The following UBE2G1 variants were observed in gnomAD, a reference collection of about 807,000 sequenced individuals.
UBE2G1 encodes the protein ubiquitin-conjugating enzyme E2 G1.
A neutral mutation model predicts 22.7 loss-of-function variants in UBE2G1; 5 were observed. The ratio of observed to expected loss-of-function variants is 0.22; its 90% confidence interval spans 0.12 to 0.46. UBE2G1 has a LOEUF of 0.46. Among genes scored for constraint, UBE2G1 ranks in the 20% least tolerant of loss-of-function variants. UBE2G1 has a pLI of 0.99. For missense variants in UBE2G1, 88 were observed against 203.9 expected (o/e 0.43, Z 3.46); for synonymous variants, 74 against 67.5 (o/e 1.10, Z -0.47).
intron 1 of UBE2G1, among the ~76,000 whole-genome samples, chr17:4,313,084 T>A (rs547278244): frequency 6.6e-6 from 1 of 152,338 alleles, no homozygotes; most frequent in Admixed American, 6.5e-5. Flanking sequence ...TGTGTTTAAA[T>A]GTTGATACGG....
At position 4,327,706 on chromosome 17, in the gene UBE2G1, A is replaced by T. The variant is rs1598195644; in HGVS notation, c.47-20583T>A. Among the ~76,000 whole-genome samples the T allele has an allele frequency of 6.6e-5, 10 of 152,316 alleles. No homozygotes were observed. In the East Asian group the frequency reaches 1.9e-3, roughly 29 times the overall value. ...TGTGGGACACATCAAATGGAAGCCA[A>T]GCATATTCCTACCTCCTTGTGTGGC... On this transcript the variant is annotated intron_variant, in intron 1 of 5. Transcript: ENST00000396981.
intron 1 of UBE2G1, among the ~76,000 whole-genome samples, chr17:4,355,240 T>G (rs1479038350): frequency 6.6e-6 from 1 of 151,080 alleles, no homozygotes; most frequent in East Asian, 2.0e-4. Context: ...TGACCTCAGG[T>G]GATCCACCTG....
chr17:4,353,373 G>A (rs913156736), intron 1 of UBE2G1, among the ~76,000 whole-genome samples: 1 of 151,748 alleles, frequency 6.6e-6, no homozygotes, highest in Non-Finnish European at 1.5e-5. Context: ...TTGTGGTGAA[G>A]TAGCTATATT....
At chr17:4,289,106 T>TACACACAC (rs71144179) in intron 4 of UBE2G1, 124 bp downstream of exon 4, 7,850 of 515,862 alleles carry the variant, frequency 0.015, 370 homozygotes, top group African/African-American at 0.12. Context: ...TGGGAAGAGA[T>TACACACAC]ACACACACAC....
intron 1 of UBE2G1, among the ~76,000 whole-genome samples, chr17:4,311,617 T>C (rs2143740894): frequency 6.6e-6 from 1 of 152,000 alleles, no homozygotes; most frequent in South Asian, 2.1e-4. Flanking sequence ...GATTAGACAA[T>C]GAGGGAAGGG....
At chr17:4,332,353 GTTA>G (rs1041709105) in intron 1 of UBE2G1, among the ~76,000 whole-genome samples, 2 of 152,074 alleles carry the variant, frequency 1.3e-5, no homozygotes, top group East Asian at 1.9e-4. Context: ...ATAAAATAGG[GTTA>G]TTGTTGGTGA....
At chr17:4,301,149 C>T (rs1969173499) in intron 2 of UBE2G1, among the ~76,000 whole-genome samples, 1 of 152,156 alleles carries the variant, frequency 6.6e-6, no homozygotes. Context: ...ATTTGCTCAA[C>T]ATTGTTCTAT....
intron 1 of UBE2G1, among the ~76,000 whole-genome samples, chr17:4,343,906 G>A (rs1029696460): frequency 6.6e-6 from 1 of 152,032 alleles, no homozygotes; most frequent in Non-Finnish European, 1.5e-5. Context: ...TTTTCAAGAG[G>A]AGCAGAAACA....
intron 1 of UBE2G1, among the ~76,000 whole-genome samples, chr17:4,344,352 AAC>A (rs370723618): frequency 1.8e-4 from 27 of 151,994 alleles, no homozygotes; most frequent in African/African-American, 6.3e-4. Flanking sequence ...CATCCTGACT[AAC>A]ACAGTGAAAC....
At chr17:4,347,777 GT>G (rs925459238) in intron 1 of UBE2G1, among the ~76,000 whole-genome samples, 4 of 151,936 alleles carry the variant, frequency 2.6e-5, no homozygotes, top group African/African-American at 9.7e-5. Flanking sequence ...CGCCTGGCCA[GT>G]TTTTTTCATT....
chr17:4,319,268 G>T (rs1409033784), intron 1 of UBE2G1, among the ~76,000 whole-genome samples: 1 of 152,072 alleles, frequency 6.6e-6, no homozygotes, highest in Non-Finnish European at 1.5e-5. Context: ...ATGAGGCACT[G>T]AACTTTAAAG....
intron 3 of UBE2G1, among the ~76,000 whole-genome samples, chr17:4,295,177 G>A (rs1319728897): frequency 6.6e-6 from 1 of 152,182 alleles, no homozygotes; most frequent in East Asian, 1.9e-4. Context: ...AGAAACTGTC[G>A]AAAGCCTAGG....
rs546886345 is a variant in UBE2G1 at position 4,272,456 on chromosome 17, A to C, written c.*98T>G. 1.1e-5 allele frequency: 2 copies of C among 186,724 alleles called. No homozygotes were observed. Among genetic ancestry groups the C allele is most frequent in the Non-Finnish European group, 2.3e-5 (2 of 88,804 alleles). The allele number at this position is 186,724 out of a possible 1,614,324, so 11.6% of individuals were successfully genotyped here. ...CAGTGTTTGCCAACTTGTACAACAGAAGTCCAGCAATAGGTGGGTAGAGTG... is the reference window on the plus strand; with the variant it reads ...CAGTGTTTGCCAACTTGTACAACAGCAGTCCAGCAATAGGTGGGTAGAGTG... On this transcript the variant is annotated 3_prime_UTR_variant, in exon 6 of 6. Transcript: ENST00000396981.
chr17:4,306,453 T>A (rs1969249870), intron 2 of UBE2G1, among the ~76,000 whole-genome samples: 1 of 151,982 alleles, frequency 6.6e-6, no homozygotes, highest in African/African-American at 2.4e-5. Flanking sequence ...CCTCCTAAAG[T>A]GCTGGGATTG....
At chr17:4,277,092 C>G (rs1422944482) in intron 5 of UBE2G1, among the ~76,000 whole-genome samples, 2 of 152,232 alleles carry the variant, frequency 1.3e-5, no homozygotes, top group African/African-American at 4.8e-5. Context: ...GGCTCACCCT[C>G]TCTCACTTGC....
Position 4,282,940 on chromosome 17 carries a change from G to GTA in UBE2G1, c.427-21_427-20dup. The GTA allele has an allele frequency of 6.3e-7, 1 of 1,593,702 alleles. No homozygotes were observed. The highest frequency in any genetic ancestry group is 1.7e-5 in the Admixed American group (1 of 58,142). ...ATTCTTTCTGTAGATTAAAAAAGCA[G>GTA]TATCAAGTGATTTCATGCAAACTCC... On this transcript the variant is annotated intron_variant, in intron 4 of 5. Transcript: ENST00000396981.
chr17:4,307,193 A>G, intron 1 of UBE2G1, 70 bp from the exon 2 acceptor site: 1 of 1,267,644 alleles, frequency 7.9e-7, no homozygotes, highest in Non-Finnish European at 1.1e-6. Context: ...AAATTACAGA[A>G]CTTGAGCGTA....
chr17:4,285,947 C>T (rs1968958165), intron 4 of UBE2G1, among the ~76,000 whole-genome samples: 1 of 144,900 alleles, frequency 6.9e-6, no homozygotes, highest in African/African-American at 2.6e-5. Flanking sequence ...GAGACTACAT[C>T]TTTAAAAAAA....
At chr17:4,356,547 C>A (rs1462404695) in intron 1 of UBE2G1, among the ~76,000 whole-genome samples, 2 of 152,048 alleles carry the variant, frequency 1.3e-5, no homozygotes, top group Non-Finnish European at 2.9e-5. Context: ...AGCAACCACA[C>A]AAGTTTAAAT....
Sources: allele counts gnomAD v4.1 joint callset (sites outside exome capture counted in the v4.1 genomes callset), GRCh38; gene constraint gnomAD v4.1.1; transcripts MANE v1.5; gene names NCBI Gene and HGNC (gene_info 2026-07-23, HGNC 2026-07-21).